ENOX1: variants seen among roughly 807,000 people sequenced by gnomAD.
ENOX1 encodes ecto-NOX disulfide-thiol exchanger 1, also known as candidate growth-related and time keeping constitutive hydroquinone (NADH) oxidase.
Under a neutral mutation model 82.5 loss-of-function variants are expected in ENOX1, and 42 were observed. The ratio of observed to expected loss-of-function variants is 0.51; its 90% CI spans 0.40 to 0.66. ENOX1 has a LOEUF of 0.66. Ranked by LOEUF, ENOX1 falls within the 30% of genes least tolerant of loss-of-function variation. The pLI is 0.00. For synonymous variants in ENOX1, 271 were observed against 282.2 expected, an observed-to-expected ratio of 0.96 and a Z score of 0.40; for missense variants, 608 against 811.6, an observed-to-expected ratio of 0.75 and a Z score of 3.05.
intron 2 of ENOX1, among the ~76,000 whole-genome samples, chr13:43,515,363 T>C (rs568085114): frequency 3.3e-5 from 5 of 152,286 alleles, no homozygotes; most frequent in African/African-American, 1.2e-4. Context: ...TTTTCATTCA[T>C]AGTAGAGTTA....
intron 3 of ENOX1, among the ~76,000 whole-genome samples, chr13:43,479,946 T>G (rs9316029): frequency 2.6e-5 from 4 of 151,928 alleles, no homozygotes; most frequent in African/African-American, 9.6e-5. Flanking sequence ...TTTATTTTTT[T>G]TTTTTTGAGA....
intron 1 of ENOX1, among the ~76,000 whole-genome samples, chr13:43,700,186 C>T (rs2086840460): frequency 6.6e-6 from 1 of 151,732 alleles, no homozygotes; most frequent in South Asian, 2.1e-4. Flanking sequence ...GTTTTTAAAC[C>T]AAGAAGCAAG....
Position 43,685,407 on chromosome 13 carries a change from G to A in ENOX1, c.-284-17863C>T, listed in dbSNP as rs577584151. Among the ~76,000 whole-genome samples, 222 of 152,200 alleles carry A rather than the reference G, an allele frequency of 1.5e-3. 1 individual carries two copies. The highest frequency in any genetic ancestry group is 2.9e-3 in the Admixed American group (44 of 15,264). Reference sequence around the variant, plus strand: ...GAGTTGAGTATGGCATTTCTCAGGGGAGCCCAGGTGAGTGAAAGTGTAAGG... The same window carrying A: ...GAGTTGAGTATGGCATTTCTCAGGGAAGCCCAGGTGAGTGAAAGTGTAAGG... On this transcript the variant is annotated intron_variant, in intron 1 of 16. Coordinates refer to ENST00000690772, the MANE Select transcript of ENOX1 (RefSeq NM_001347969.2).
At chr13:43,487,230 TGG>T (rs2076459465) in intron 2 of ENOX1, among the ~76,000 whole-genome samples, 1 of 150,398 alleles carries the variant, frequency 6.6e-6, no homozygotes, top group Non-Finnish European at 1.5e-5. Context: ...AGATCATGGG[TGG>T]TATCAGTGAT....
chr13:43,432,895 C>T (rs1461748728), intron 3 of ENOX1, among the ~76,000 whole-genome samples: 1 of 152,018 alleles, frequency 6.6e-6, no homozygotes, highest in African/African-American at 2.4e-5. Context: ...AGATACAAAT[C>T]GTTAACCCTA....
At chr13:43,630,237 G>T (rs920906537) in intron 2 of ENOX1, among the ~76,000 whole-genome samples, 1 of 152,144 alleles carries the variant, frequency 6.6e-6, no homozygotes, top group Non-Finnish European at 1.5e-5. Flanking sequence ...ATAAGCCATT[G>T]CATGTGTAAG....
At chr13:43,747,803 A>G (rs1950106958) in intron 1 of ENOX1, among the ~76,000 whole-genome samples, 1 of 152,204 alleles carries the variant, frequency 6.6e-6, no homozygotes, top group Non-Finnish European at 1.5e-5. Flanking sequence ...TTGTTAATTC[A>G]GGTCCTCAGA....
chr13:43,345,120 T>C (rs1171841710), intron 8 of ENOX1, among the ~76,000 whole-genome samples: 1 of 152,254 alleles, frequency 6.6e-6, no homozygotes, highest in Non-Finnish European at 1.5e-5. Context: ...CTCCACTTCA[T>C]TTCTTTGTTC....
At chr13:43,621,927 T>A (rs915163166) in intron 2 of ENOX1, among the ~76,000 whole-genome samples, 4 of 152,148 alleles carry the variant, frequency 2.6e-5, no homozygotes, top group Non-Finnish European at 5.9e-5. Context: ...ACCCCAGACT[T>A]CTTGGATGCT....
intron 2 of ENOX1, among the ~76,000 whole-genome samples, chr13:43,541,489 A>G (rs1372212686): frequency 6.6e-6 from 1 of 152,152 alleles, no homozygotes; most frequent in African/African-American, 2.4e-5. Flanking sequence ...CAAAAGTGCG[A>G]GAGCTGTTTC....
chr13:43,756,681 C>T (rs1460701592), intron 1 of ENOX1, among the ~76,000 whole-genome samples: 22 of 152,034 alleles, frequency 1.4e-4, no homozygotes, highest in Non-Finnish European at 2.9e-5. Flanking sequence ...GTGCCTAGTA[C>T]TTAGTAAGGA....
At chr13:43,345,104 C>G (rs1377024973) in intron 8 of ENOX1, among the ~76,000 whole-genome samples, 1 of 152,212 alleles carries the variant, frequency 6.6e-6, no homozygotes, top group Admixed American at 6.5e-5. Flanking sequence ...TACTAACCTA[C>G]TTGGCCTCCA....
rs2047870055 is a variant in ENOX1 at position 43,322,487 on chromosome 13, A to G, written c.1158T>C (p.Ala386=). The G allele has an allele frequency of 1.2e-6, 2 of 1,613,660 alleles. No homozygotes were observed. The highest frequency in any genetic ancestry group is 1.7e-6 in the Non-Finnish European group (2 of 1,179,828). Residue 386 remains alanine (A), a synonymous_variant, in exon 11 of 17, where the codon GCT becomes GCC. Coordinates refer to ENST00000690772, the MANE Select transcript of ENOX1 (RefSeq NM_001347969.2). ...GGATGCCCATGAGCTGCTCACTTTG[A>G]GCATTCCGGAGCTCCTGCAAGTAGA... is the stretch of plus-strand genomic sequence containing the variant. ...WRKHSEELRN[A]QSEQLMGIRR...
At chr13:43,310,930 T>A (rs1215446090) in intron 11 of ENOX1, among the ~76,000 whole-genome samples, 1 of 151,736 alleles carries the variant, frequency 6.6e-6, no homozygotes, top group East Asian at 2.0e-4. Flanking sequence ...CTTAGCCCCA[T>A]CCTTCTGCTT....
chr13:43,582,210 A>T (rs951798569), intron 2 of ENOX1, among the ~76,000 whole-genome samples: 2 of 152,196 alleles, frequency 1.3e-5, no homozygotes, highest in Non-Finnish European at 2.9e-5. Context: ...GAGGTCAAGG[A>T]AGAAAAAAAT....
intron 2 of ENOX1, among the ~76,000 whole-genome samples, chr13:43,542,408 A>G (rs1391497263): frequency 6.9e-6 from 1 of 144,760 alleles, no homozygotes. Context: ...CTGGGATTAT[A>G]GGCTTAAGCC....
chr13:43,422,566 G>A (rs1353601873), intron 3 of ENOX1, among the ~76,000 whole-genome samples: 1 of 152,092 alleles, frequency 6.6e-6, no homozygotes, highest in African/African-American at 2.4e-5. Context: ...AGAGGACATG[G>A]TTTCTAAATG....
intron 1 of ENOX1, among the ~76,000 whole-genome samples, chr13:43,726,792 A>G (rs981065051): frequency 1.3e-5 from 2 of 149,946 alleles, no homozygotes; most frequent in Non-Finnish European, 3.0e-5. Context: ...CCCAGGCTGG[A>G]GTTCAGTGGT....
chr13:43,712,490 C>G (rs951571163), intron 1 of ENOX1, among the ~76,000 whole-genome samples: 2 of 151,834 alleles, frequency 1.3e-5, no homozygotes, highest in African/African-American at 4.8e-5. Flanking sequence ...GGCATTGAAT[C>G]TATAAATTAC....
Sources: gnomAD v4.1 joint callset for allele counts (sites outside exome capture counted in the v4.1 genomes callset) on GRCh38, gnomAD v4.1.1 for gene constraint, MANE v1.5 for transcripts, NCBI Gene and HGNC (gene_info 2026-07-23, HGNC 2026-07-21) for gene names.